PCDH9: variants seen among roughly 807,000 people sequenced by gnomAD.
PCDH9 encodes protocadherin 9.
A neutral mutation model predicts 70.6 loss-of-function variants in PCDH9; 24 were observed. The observed-to-expected ratio is 0.34, with a 90% CI of 0.25 to 0.48. The LOEUF is 0.48. PCDH9 is among the 20% of genes least tolerant of loss of function. The pLI, the probability that PCDH9 is intolerant of heterozygous loss-of-function variation, is 0.99. For synonymous variants in PCDH9, 562 were observed against 558.5 expected (o/e 1.01, Z -0.09); for missense variants, 1,281 against 1,503.6 (o/e 0.85, Z 2.45).
At chr13:66,684,092 T>C (rs2139067434) in intron 3 of PCDH9, among the ~76,000 whole-genome samples, 1 of 152,328 alleles carries the variant, frequency 6.6e-6, no homozygotes, top group South Asian at 2.1e-4. Context: ...TAGTTTGATA[T>C]GATACATTTT....
chr13:66,710,560 G>T (rs2078778897), intron 3 of PCDH9, among the ~76,000 whole-genome samples: 1 of 152,108 alleles, frequency 6.6e-6, no homozygotes, highest in Non-Finnish European at 1.5e-5. Context: ...CAACAGAAAT[G>T]TTATTACAAA....
At chr13:66,356,946 C>A (rs1325106201) in intron 4 of PCDH9, among the ~76,000 whole-genome samples, 7 of 152,002 alleles carry the variant, frequency 4.6e-5, no homozygotes, top group Non-Finnish European at 1.0e-4. Flanking sequence ...ACATTGTAGA[C>A]TTGAAAAAGC....
intron 3 of PCDH9, among the ~76,000 whole-genome samples, chr13:66,822,826 A>T (rs2080738726): frequency 6.6e-6 from 1 of 152,124 alleles, no homozygotes; most frequent in Admixed American, 6.6e-5. Flanking sequence ...GGATCTTTAA[A>T]ATCATTAATA....
At chr13:67,028,946 G>A (rs376472873) in intron 2 of PCDH9, among the ~76,000 whole-genome samples, 54 of 152,168 alleles carry the variant, frequency 3.5e-4, no homozygotes, top group Non-Finnish European at 6.5e-4. Flanking sequence ...GCAAAATCAC[G>A]TTTTCTGTCA....
intron 3 of PCDH9, among the ~76,000 whole-genome samples, chr13:66,688,483 CAA>C (rs2078436746): frequency 6.6e-6 from 1 of 152,020 alleles, no homozygotes. Context: ...GAGATATGCA[CAA>C]AGTGTTAATA....
intron 3 of PCDH9, among the ~76,000 whole-genome samples, chr13:66,790,347 T>A (rs1461753560): frequency 6.6e-6 from 1 of 152,132 alleles, no homozygotes; most frequent in Non-Finnish European, 1.5e-5. Context: ...TAATCATTCA[T>A]GAGTTAAATA....
intron 2 of PCDH9, among the ~76,000 whole-genome samples, chr13:66,949,394 G>T (rs879275623): frequency 6.6e-6 from 1 of 152,014 alleles, no homozygotes; most frequent in Admixed American, 6.6e-5. Context: ...AAACATGGAG[G>T]TACCAATATC....
chr13:66,544,942 G>A (rs992217066), intron 4 of PCDH9, among the ~76,000 whole-genome samples: 2 of 152,092 alleles, frequency 1.3e-5, no homozygotes, highest in African/African-American at 4.8e-5. Context: ...AACAAGTCTT[G>A]CAGGTCTCCT....
chr13:66,334,479 C>A (rs948387945), intron 4 of PCDH9, among the ~76,000 whole-genome samples: 4 of 151,982 alleles, frequency 2.6e-5, no homozygotes, highest in African/African-American at 9.7e-5. Flanking sequence ...ATGATGGAGA[C>A]CCCCAACAGA....
Position 67,225,439 on chromosome 13 carries a change from C to A in PCDH9, c.3002G>T (p.Gly1001Val), listed in dbSNP as rs576798095. Reference sequence around the variant, plus strand: ...GTGTAAGGGGCCCTTTGTCTTGAAGCCTCCTTGGGAACTGCACTCTGAGGC... The same window carrying A: ...GTGTAAGGGGCCCTTTGTCTTGAAGACTCCTTGGGAACTGCACTCTGAGGC... ...FSASECSSQGGFKTKGPLHTR... is the reference protein window; with the variant it reads ...FSASECSSQGVFKTKGPLHTR... The change falls in exon 2 of 5, where the codon GGC becomes GTC. Residue 1001 changes from glycine (G) to valine (V), a missense_variant. Gly to Val is a moderately radical substitution (Grantham distance 109, BLOSUM62 -3). Coordinates refer to ENST00000377865, the MANE Select transcript of PCDH9 (RefSeq NM_203487.3). 2 of 1,614,058 alleles carry A rather than the reference C, an allele frequency of 1.2e-6. No homozygotes were observed. The highest frequency in any genetic ancestry group is 4.5e-5 in the East Asian group (2 of 44,874).
chr13:66,827,251 T>G (rs988582034), intron 3 of PCDH9, among the ~76,000 whole-genome samples: 1 of 152,104 alleles, frequency 6.6e-6, no homozygotes, highest in Middle Eastern at 3.4e-3. Context: ...TGAAACTGAT[T>G]TTGGTCTTCT....
At chr13:66,471,703 G>T (rs183085179) in intron 4 of PCDH9, among the ~76,000 whole-genome samples, 2 of 152,124 alleles carry the variant, frequency 1.3e-5, no homozygotes, top group Non-Finnish European at 2.9e-5. Flanking sequence ...AGGCTAAGTA[G>T]CTTGCTCAAA....
At chr13:66,879,776 A>G (rs996330337) in intron 3 of PCDH9, among the ~76,000 whole-genome samples, 9 of 152,234 alleles carry the variant, frequency 5.9e-5, no homozygotes, top group Non-Finnish European at 1.3e-4. Flanking sequence ...AAGACAACAC[A>G]ACAAATGTCT....
At chr13:67,051,395 T>A (rs1485581087) in intron 2 of PCDH9, among the ~76,000 whole-genome samples, 6 of 136,918 alleles carry the variant, frequency 4.4e-5, no homozygotes, top group African/African-American at 1.7e-4. Context: ...TTTTTTTTTT[T>A]TTTTTTTTTT....
At chr13:66,673,039 G>A (rs1349972144) in intron 3 of PCDH9, among the ~76,000 whole-genome samples, 1 of 152,176 alleles carries the variant, frequency 6.6e-6, no homozygotes, top group Admixed American at 6.5e-5. Context: ...GGGAAGGCAT[G>A]ATTGCCTTTG....
At chr13:66,934,191 T>C (rs891817944) in intron 2 of PCDH9, among the ~76,000 whole-genome samples, 1 of 151,968 alleles carries the variant, frequency 6.6e-6, no homozygotes, top group Non-Finnish European at 1.5e-5. Flanking sequence ...TCTAAATAAG[T>C]TGATTATTAT....
intron 3 of PCDH9, among the ~76,000 whole-genome samples, chr13:66,703,730 T>TAA (rs887310176): frequency 6.8e-6 from 1 of 147,930 alleles, no homozygotes; most frequent in Non-Finnish European, 1.5e-5. Flanking sequence ...CCCCCGTCTC[T>TAA]AAAAAAAAAA....
intron 3 of PCDH9, among the ~76,000 whole-genome samples, chr13:66,671,172 C>T (rs1427389955): frequency 5.3e-5 from 8 of 152,284 alleles, no homozygotes; most frequent in East Asian, 3.9e-4. Flanking sequence ...GCTCCTCCTT[C>T]GCCTTCTGCC....
At chr13:66,789,306 A>C (rs2080127210) in intron 3 of PCDH9, among the ~76,000 whole-genome samples, 2 of 152,170 alleles carry the variant, frequency 1.3e-5, no homozygotes, top group African/African-American at 2.4e-5. Flanking sequence ...ACCTCAAGGC[A>C]ATCTCCCCCG....
Sources: gnomAD v4.1 joint callset for allele counts (sites outside exome capture counted in the v4.1 genomes callset) on GRCh38, gnomAD v4.1.1 for gene constraint, MANE v1.5 for transcripts, NCBI Gene and HGNC (gene_info 2026-07-23, HGNC 2026-07-21) for gene names.